The following GPHN variants were observed in gnomAD, a reference collection of about 807,000 sequenced individuals.
GPHN encodes the protein gephyrin.
GPHN carries 17 observed loss-of-function variants against 95.5 expected under a neutral mutation model. The ratio of observed to expected loss-of-function variants is 0.18; its 90% CI spans 0.12 to 0.27. GPHN has a LOEUF of 0.27. GPHN is among the 10% of genes least tolerant of loss of function. The pLI is 1.00. For missense variants in GPHN, 660 were observed against 978.1 expected, an observed-to-expected ratio of 0.67 and a Z score of 4.34; for synonymous variants, 320 against 322.5, an observed-to-expected ratio of 0.99 and a Z score of 0.08.
the GPHN span, chr14:67,199,446 C>A: frequency 6.2e-7 from 1 of 1,612,772 alleles, no homozygotes; most frequent in Non-Finnish European, 8.5e-7. Flanking sequence ...ATCTTACAAA[C>A]CCCCAAGATT....
downstream of GPHN, among the ~76,000 whole-genome samples, chr14:67,183,807 G>T (rs1258042335): frequency 6.6e-6 from 1 of 151,266 alleles, no homozygotes; most frequent in Non-Finnish European, 1.5e-5. Context: ...CAGGTGATCC[G>T]CTGGGATTAC....
the GPHN span, among the ~76,000 whole-genome samples, chr14:67,614,393 T>C: frequency 6.6e-6 from 1 of 152,244 alleles, no homozygotes; most frequent in Non-Finnish European, 1.5e-5. Flanking sequence ...TAAACAATGG[T>C]ATGCTAGAGC....
At chr14:67,391,285 G>A in the GPHN span, among the ~76,000 whole-genome samples, 1 of 151,116 alleles carries the variant, frequency 6.6e-6, no homozygotes, top group Non-Finnish European at 1.5e-5. Flanking sequence ...GTGTGTGTGT[G>A]TGTGTGTGTG....
intron 2 of GPHN, among the ~76,000 whole-genome samples, chr14:66,751,654 T>G (rs972428460): frequency 5.3e-5 from 8 of 152,172 alleles, no homozygotes; most frequent in Admixed American, 6.6e-5. Flanking sequence ...CTGTTTATTC[T>G]GTTGATAGTT....
chr14:67,193,002 ATATCAATATCTAGATATAGATATATCTC>A, the GPHN span, among the ~76,000 whole-genome samples: 8 of 146,118 alleles, frequency 5.5e-5, no homozygotes, highest in South Asian at 4.3e-4. Flanking sequence ...ATATCTCTAT[ATATCAATATCTAGATATAGATATATCTC>A]TATCAATATC....
intron 1 of GPHN, among the ~76,000 whole-genome samples, chr14:66,647,868 A>C (rs926460338): frequency 3.3e-5 from 5 of 152,214 alleles, no homozygotes; most frequent in African/African-American, 9.6e-5. Flanking sequence ...ATGTTAAAAC[A>C]TTGCAAACTG....
intron 1 of GPHN, among the ~76,000 whole-genome samples, chr14:66,548,439 C>G (rs34454516): frequency 6.6e-6 from 1 of 152,136 alleles, no homozygotes; most frequent in Non-Finnish European, 1.5e-5. Context: ...CCTCAGCCTC[C>G]CAAAGTGCTG....
the GPHN span, among the ~76,000 whole-genome samples, chr14:67,206,369 G>A: frequency 6.6e-6 from 1 of 152,114 alleles, no homozygotes. Context: ...GGTAGTGGGT[G>A]CCTGTAATCC....
At chr14:67,463,988 T>G in the GPHN span, among the ~76,000 whole-genome samples, 2 of 152,112 alleles carry the variant, frequency 1.3e-5, no homozygotes, top group Non-Finnish European at 2.9e-5. Context: ...GGACTTGAGC[T>G]CCCAGGTAGC....
chr14:66,991,986 G>A (rs774362152), intron 9 of GPHN, among the ~76,000 whole-genome samples: 2 of 151,708 alleles, frequency 1.3e-5, no homozygotes, highest in Admixed American at 6.6e-5. Context: ...ATTAGTTGAC[G>A]AGCAGTGGGG....
chr14:66,627,014 A>G (rs985604921), intron 1 of GPHN, among the ~76,000 whole-genome samples: 1 of 152,062 alleles, frequency 6.6e-6, no homozygotes, highest in African/African-American at 2.4e-5. Flanking sequence ...TAGAATTATT[A>G]TAATTGACTA....
At chr14:66,924,080 T>C (rs762759064) in intron 7 of GPHN, 114 bp from the exon 8 acceptor site, 233 of 704,774 alleles carry the variant, frequency 3.3e-4, no homozygotes, top group Admixed American at 8.3e-4. Flanking sequence ...TTGGAAAATG[T>C]TAGCATTTCA....
the GPHN span, chr14:67,271,294 T>C: frequency 6.6e-6 from 1 of 152,238 alleles, no homozygotes; most frequent in Non-Finnish European, 1.5e-5. Flanking sequence ...CCATCATAAT[T>C]AGTGACATTG....
chr14:67,516,643 G>A, the GPHN span, among the ~76,000 whole-genome samples: 2 of 152,180 alleles, frequency 1.3e-5, no homozygotes, highest in Admixed American at 6.5e-5. Flanking sequence ...TGTCTGATGG[G>A]GCCGTAGGTC....
chr14:66,873,561 C>G (rs2063529871), intron 4 of GPHN, among the ~76,000 whole-genome samples: 1 of 152,196 alleles, frequency 6.6e-6, no homozygotes, highest in Non-Finnish European at 1.5e-5. Flanking sequence ...ACCTGGGGCA[C>G]TCCAGCTTGG....
chr14:67,135,619 G>A (rs1378014344), intron 17 of GPHN, among the ~76,000 whole-genome samples: 1 of 151,884 alleles, frequency 6.6e-6, no homozygotes, highest in Non-Finnish European at 1.5e-5. Flanking sequence ...TTGGTAGCTT[G>A]TAAGATTTTC....
rs1295374933 is a variant in GPHN, at chr14:66,836,777, G to A, written c.294+12211G>A. Among the ~76,000 whole-genome samples the A allele has an allele frequency of 2.6e-5, 4 of 151,906 alleles. No homozygotes were observed. The South Asian group carries it at 8.3e-4, about 32-fold the overall frequency. On this transcript the variant is annotated intron_variant, in intron 4 of 22. Coordinates refer to ENST00000478722, the MANE Select transcript of GPHN (RefSeq NM_020806.5). The stretch of plus-strand genomic sequence containing the variant: ...AAACAAACAACCCCATCAAAAAGAG[G>A]GCGAAGGACATGAACAGACACTTCT...
chr14:66,868,035 T>G (rs1403630012), intron 4 of GPHN, among the ~76,000 whole-genome samples: 1 of 152,206 alleles, frequency 6.6e-6, no homozygotes, highest in Non-Finnish European at 1.5e-5. Flanking sequence ...TAACAAGGCT[T>G]CTAGAAGATT....
the GPHN span, chr14:67,350,676 C>CA: frequency 6.2e-7 from 1 of 1,613,366 alleles, no homozygotes; most frequent in Non-Finnish European, 8.5e-7. Context: ...TCACTTCGCC[C>CA]ATCAACATTT....
Sources: gnomAD v4.1 joint callset for allele counts (sites outside exome capture counted in the v4.1 genomes callset) on GRCh38, gnomAD v4.1.1 for gene constraint, MANE v1.5 for transcripts, NCBI Gene and HGNC (gene_info 2026-07-23, HGNC 2026-07-21) for gene names.